RIBC2: variants seen among roughly 807,000 people sequenced by gnomAD.
RIBC2 encodes RIB43A-like with coiled-coils protein 2.
RIBC2 carries 40 observed loss-of-function variants against 44.3 expected under a neutral mutation model. The ratio of observed to expected loss-of-function variants is 0.90; its 90% CI spans 0.70 to 1.18. RIBC2 has a LOEUF of 1.18. Among genes scored for constraint, RIBC2 ranks in the 50% most tolerant of loss-of-function variants. RIBC2 has a pLI of 0.00. For missense variants in RIBC2, 459 were observed against 485.5 expected (o/e 0.95, Z 0.51); for synonymous variants, 171 against 175.0 (o/e 0.98, Z 0.18).
intron 3 of RIBC2, among the ~76,000 whole-genome samples, chr22:45,421,456 C>T (rs2087477333): frequency 6.8e-6 from 1 of 146,272 alleles, no homozygotes; most frequent in African/African-American, 2.5e-5. Flanking sequence ...TCTAACTTCT[C>T]TTGGATGTCT....
At chr22:45,431,116 C>T (rs760963848) in intron 6 of RIBC2, 50 bp downstream of exon 6, 16 of 1,545,466 alleles carry the variant, frequency 1.0e-5, no homozygotes, top group Admixed American at 2.0e-5. Context: ...GTGGAGGGAC[C>T]GCGGGGCTGT....
In RIBC2 at chr22:45,422,361, A is replaced by G. The variant is rs964818953; in HGVS notation, c.628A>G (p.Thr210Ala). Residue 210 changes from threonine (T) to alanine (A), a missense_variant, in exon 4 of 7, where the codon ACC (threonine) becomes GCC (alanine). Physicochemically the swap from Thr to Ala is moderately conservative, Grantham distance 58 (BLOSUM62 0). Coordinates refer to ENST00000614167, the MANE Select transcript of RIBC2 (RefSeq NM_015653.5). ...AKHLQKLEST[T>A]RKAVCASVKD... ...GCACCTCCAGAAGCTGGAAAGCACC[A>G]CCAGAAAGGCAGTTTGTGCATCTGT... 1 of 1,614,164 alleles carries G rather than the reference A, an allele frequency of 6.2e-7. No homozygotes were observed. The highest frequency in any genetic ancestry group is 8.5e-7 in the Non-Finnish European group (1 of 1,180,038).
chr22:45,430,767 G>A (rs750996246), intron 5 of RIBC2, 133 bp from the exon 6 acceptor site: 47 of 1,143,454 alleles, frequency 4.1e-5, no homozygotes, highest in Middle Eastern at 3.0e-4. Context: ...GCATGACATC[G>A]GTCACCTACC....
chr22:45,424,842 G>A (rs1192549322), intron 4 of RIBC2, among the ~76,000 whole-genome samples: 2 of 142,426 alleles, frequency 1.4e-5, no homozygotes, highest in African/African-American at 5.3e-5. Flanking sequence ...TACAAGCTCT[G>A]CCTCCCGGGT....
At chr22:45,430,848 G>A (rs2146891971) in intron 5 of RIBC2, 52 bp from the exon 6 acceptor site, 4 of 1,487,358 alleles carry the variant, frequency 2.7e-6, no homozygotes, top group Non-Finnish European at 3.6e-6. Context: ...AATCCCCTGG[G>A]GTTCTTTGGC....
intron 2 of RIBC2, among the ~76,000 whole-genome samples, chr22:45,417,194 C>G (rs2087433493): frequency 1.3e-5 from 2 of 152,162 alleles, no homozygotes; most frequent in South Asian, 4.1e-4. Context: ...AGCCACCACA[C>G]CCAGCCTCAG....
chr22:45,422,897 G>GC (rs1197154490), intron 4 of RIBC2, among the ~76,000 whole-genome samples: 2 of 151,642 alleles, frequency 1.3e-5, no homozygotes, highest in Non-Finnish European at 2.9e-5. Context: ...CTAAACTCTG[G>GC]CCCCCCTCCT....
At chr22:45,427,560 G>T (rs1416024066) in intron 5 of RIBC2, among the ~76,000 whole-genome samples, 1 of 152,230 alleles carries the variant, frequency 6.6e-6, no homozygotes, top group African/African-American at 2.4e-5. Context: ...AGCCCAGGAG[G>T]CAGCTGGATA....
chr22:45,428,969 G>A lies in RIBC2; in HGVS notation c.904-1931G>A, dbSNP rs373484755. On this transcript the variant is annotated intron_variant, in intron 5 of 6. Transcript: ENST00000614167. ...CTCAGGGGGCCGAGGGTATTGGCCT[G>A]GGAGCATCTGCCATGAGACGAACCA... 3.9e-5 allele frequency among the ~76,000 whole-genome samples: 6 copies of A among 152,346 alleles called. No individual in the cohort carries two copies. The East Asian group carries it at 1.2e-3, about 29-fold the overall frequency.
intron 3 of RIBC2, 63 bp from the exon 4 acceptor site, chr22:45,422,227 G>A (rs555479470): frequency 5.1e-6 from 6 of 1,188,116 alleles, no homozygotes; most frequent in South Asian, 2.4e-5. Flanking sequence ...AGGCACGAAC[G>A]GCCACACGTG....
At position 45,421,294 on chromosome 22, in the gene RIBC2, AAAT is replaced by A. The variant is rs1195481488; in HGVS notation, c.557-985_557-983del. On this transcript the variant is annotated intron_variant, in intron 3 of 6. Coordinates refer to ENST00000614167, the MANE Select transcript of RIBC2 (RefSeq NM_015653.5). ...GGGCAACAGAGCGAGACTCCATGTC[AAAT>A]AATAATAATACTATTATTATTATTA... Among the ~76,000 whole-genome samples, 13 of 99,710 alleles carry A rather than the reference AAAT, an allele frequency of 1.3e-4. No individual in the cohort carries two copies. The South Asian group carries it at 1.5e-3, about 11-fold the overall frequency. The allele number at this position is 99,710 out of a possible 152,430, so 65.4% of individuals were successfully genotyped here.
At chr22:45,425,154 C>T (rs1050895691) in intron 4 of RIBC2, among the ~76,000 whole-genome samples, 2 of 151,550 alleles carry the variant, frequency 1.3e-5, no homozygotes, top group Admixed American at 6.6e-5. Flanking sequence ...CAAAAAAAAA[C>T]GGGTGTAGGG....
At chr22:45,414,050 G>T in intron 1 of RIBC2, 35 bp downstream of exon 1, 1 of 1,548,956 alleles carries the variant, frequency 6.5e-7, no homozygotes, top group Non-Finnish European at 8.7e-7. Context: ...GGTTAGAGCG[G>T]CAGATGCGGG....
At chr22:45,431,150 C>A in intron 6 of RIBC2, 84 bp downstream of exon 6, 1 of 1,462,116 alleles carries the variant, frequency 6.8e-7, no homozygotes, top group Admixed American at 2.1e-5. Flanking sequence ...GAGGAGGGGG[C>A]AGGAGGGGAA....
chr22:45,419,836 C>G (rs1383841131), intron 3 of RIBC2, among the ~76,000 whole-genome samples: 1 of 151,852 alleles, frequency 6.6e-6, no homozygotes, highest in East Asian at 1.9e-4. Flanking sequence ...ACCATCCTGG[C>G]TAACACGGTG....
At chr22:45,421,349 A>G (rs1569208677) in intron 3 of RIBC2, among the ~76,000 whole-genome samples, 3 of 147,112 alleles carry the variant, frequency 2.0e-5, no homozygotes, top group Non-Finnish European at 3.0e-5. Flanking sequence ...TAATAATTAA[A>G]TAATTAATTA....
chr22:45,419,692 C>T (rs182130756), intron 3 of RIBC2, among the ~76,000 whole-genome samples: 34 of 151,072 alleles, frequency 2.3e-4, no homozygotes, highest in Non-Finnish European at 4.4e-4. Flanking sequence ...GTGATTGTGC[C>T]ACCGCCCTCC....
rs768929567 is a variant in RIBC2, at chr22:45,426,154, G to A, written c.882G>A (p.Lys294=). The change falls in exon 5 of 7, where the codon AAG becomes AAA. Residue 294 remains lysine, a synonymous_variant. Coordinates refer to ENST00000614167, the MANE Select transcript of RIBC2 (RefSeq NM_015653.5). ...TGGAGCAGATCCGCCTAGTCCAGAA[G>A]CAGCAAATCCAGGAGAAGCTGGTGA... is the stretch of plus-strand genomic sequence containing the variant. ...EQLEQIRLVQ[K]QQIQEKLRLQ... 7 of 1,613,676 alleles carry A rather than the reference G, an allele frequency of 4.3e-6. No homozygotes were observed. The highest frequency in any genetic ancestry group is 5.9e-6 in the Non-Finnish European group (7 of 1,179,994).
At chr22:45,432,041 T>C (rs1450958457) in intron 6 of RIBC2, among the ~76,000 whole-genome samples, 2 of 152,214 alleles carry the variant, frequency 1.3e-5, no homozygotes, top group African/African-American at 4.8e-5. Flanking sequence ...AATTTTCTTA[T>C]GTCCCCAAAT....
Sources: allele counts gnomAD v4.1 joint callset (sites outside exome capture counted in the v4.1 genomes callset), GRCh38; gene constraint gnomAD v4.1.1; transcripts MANE v1.5; gene names NCBI Gene and HGNC (gene_info 2026-07-23, HGNC 2026-07-21).